The following CBLC variants were observed in gnomAD, a reference collection of about 807,000 sequenced individuals.
The protein encoded by CBLC is E3 ubiquitin-protein ligase CBL-C.
A neutral mutation model predicts 58.6 loss-of-function variants in CBLC; 46 were observed. The ratio of observed to expected loss-of-function variants is 0.79; its 90% confidence interval spans 0.62 to 1.00. CBLC has a LOEUF of 1.00. Among genes scored for constraint, CBLC ranks in the 50% least tolerant of loss-of-function variants. The pLI is 0.00. For synonymous variants in CBLC, 271 were observed against 264.2 expected, an observed-to-expected ratio of 1.03 and a Z score of -0.25; for missense variants, 655 against 625.8, an observed-to-expected ratio of 1.05 and a Z score of -0.50.
Position 44,781,249 on chromosome 19 carries a change from C to A in CBLC, c.543C>A (p.Thr181=). Residue 181 remains threonine (T), a synonymous_variant, in exon 3 of 11, where the codon ACC becomes ACA. Coordinates refer to ENST00000647358, the MANE Select transcript of CBLC (RefSeq NM_012116.4). ...CTGAGTTTGAGTCCCTCCTGGGCAC[C>A]TGCCACCCTGTGGAACCAGGCTGCA... The part of the protein sequence containing the change: ...PWAEFESLLG[T]CHPVEPGCTA... 1 of 1,613,834 alleles carries A rather than the reference C, an allele frequency of 6.2e-7. No homozygotes were observed. Among genetic ancestry groups the A allele is most frequent in the Non-Finnish European group, 8.5e-7 (1 of 1,179,986 alleles).
At position 44,798,197 on chromosome 19, in the gene CBLC, T is replaced by TTTTG. The variant is rs200768071; in HGVS notation, c.1363-2164_1363-2161dup. ...GACACAAGCCCCACAGGCTGGGTTT[T>TTTTG]TTTGTTTGTTTGTTTGTTTGTTTTA... On this transcript the variant is annotated intron_variant, in intron 9 of 10. Transcript: ENST00000647358. Among the ~76,000 whole-genome samples, 734 of 151,612 alleles carry TTTTG rather than the reference T, an allele frequency of 4.8e-3. 6 individuals are homozygous for TTTTG. The highest frequency in any genetic ancestry group is 0.017 in the African/African-American group (688 of 41,212).
rs536360053 is a variant in CBLC, at chr19:44,790,081, A to G, written c.995A>G (p.His332Arg). The change falls in exon 6 of 11, where the codon CAC becomes CGC. Residue 332 changes from histidine (H) to arginine (R), a missense_variant. This residue lies in a region of CBLC where 371 missense variants were observed against 370.8 expected (regional missense o/e 1.00). Coordinates refer to ENST00000647358, the MANE Select transcript of CBLC (RefSeq NM_012116.4). Reference sequence around the variant, plus strand: ...CAGGCAGAACCCCAGCAGCGCATCCACGTGTCAGAGGTGAGACCCGCACCT... The same window carrying G: ...CAGGCAGAACCCCAGCAGCGCATCCGCGTGTCAGAGGTGAGACCCGCACCT... ...LGQAEPQQRIHVSEEQLQLYW... is the reference protein window; with the variant it reads ...LGQAEPQQRIRVSEEQLQLYW... The G allele has an allele frequency of 2.5e-5, 41 of 1,613,596 alleles. 1 individual carries two copies. In the South Asian group the frequency reaches 4.4e-4, roughly 17 times the overall value.
chr19:44,778,189 T>G lies in CBLC; in HGVS notation c.258T>G (p.Asn86Lys), dbSNP rs1967621647. The G allele has an allele frequency of 6.6e-7, 1 of 1,524,400 alleles. No homozygotes were observed. Among genetic ancestry groups the G allele is most frequent in the Admixed American group, 2.2e-5 (1 of 45,052 alleles). The allele number at this position is 1,524,400 out of a possible 1,614,324, so 94.4% of individuals were successfully genotyped here. The change falls in exon 1 of 11, where the codon AAT becomes AAG. Residue 86 changes from asparagine (N) to lysine (K), a missense_variant. This residue lies in a region of CBLC where 280 missense variants were observed against 237.2 expected (regional missense o/e 1.18). Coordinates refer to ENST00000647358, the MANE Select transcript of CBLC (RefSeq NM_012116.4). ...SGDFLLIYLA[N>K]LEAKSRQVAA... Reference sequence around the variant, plus strand: ...ACTTTCTACTCATCTACCTGGCCAATCTGGAGGCCAAGAGCAGGCAGGTGG... The same window carrying G: ...ACTTTCTACTCATCTACCTGGCCAAGCTGGAGGCCAAGAGCAGGCAGGTGG...
At chr19:44,796,531 G>T (rs547613304) in intron 9 of CBLC, among the ~76,000 whole-genome samples, 1 of 151,904 alleles carries the variant, frequency 6.6e-6, no homozygotes, top group Non-Finnish European at 1.5e-5. Context: ...ATTACAGGCA[G>T]GTGCCACCAC....
intron 5 of CBLC, among the ~76,000 whole-genome samples, chr19:44,787,105 A>G (rs1190440700): frequency 6.6e-6 from 1 of 151,908 alleles, no homozygotes; most frequent in Non-Finnish European, 1.5e-5. Context: ...AAATAAAGTC[A>G]ATCATAAGCT....
chr19:44,789,867 C>G (rs1968000501), intron 5 of CBLC, 137 bp from the exon 6 acceptor site: 1 of 675,638 alleles, frequency 1.5e-6, no homozygotes, highest in African/African-American at 1.8e-5. Context: ...GGAAAATAAG[C>G]CCAGGCCAGC....
intron 9 of CBLC, among the ~76,000 whole-genome samples, chr19:44,797,563 G>T (rs143413801): frequency 6.9e-6 from 1 of 144,508 alleles, no homozygotes; most frequent in Non-Finnish European, 1.5e-5. Flanking sequence ...TTTGCTATGT[G>T]CCTGGCATTG....
intron 9 of CBLC, among the ~76,000 whole-genome samples, chr19:44,796,982 G>A (rs999410820): frequency 1.3e-5 from 2 of 152,104 alleles, no homozygotes; most frequent in Admixed American, 1.3e-4. Flanking sequence ...AAAAGCAAAT[G>A]GAAACATTAG....
rs117099187 is a variant in CBLC at position 44,781,315 on chromosome 19, C to T, written c.609C>T (p.Ser203=). Residue 203 remains serine (S), a synonymous_variant, in exon 3 of 11, where the codon AGC becomes AGT. Transcript: ENST00000647358. ...GCACCACCATTGACCTCACCTGCAGCGGGCACGTGTCCATCTTCGAGTTCG... is the reference window on the plus strand; with the variant it reads ...GCACCACCATTGACCTCACCTGCAGTGGGCACGTGTCCATCTTCGAGTTCG... The part of the protein sequence containing the change: ...ALRTTIDLTC[S]GHVSIFEFDV... 652 of 1,613,022 alleles carry T rather than the reference C, an allele frequency of 4.0e-4. No individual in the cohort carries two copies. In the East Asian group the frequency reaches 5.8e-3, roughly 14 times the overall value.
At chr19:44,786,985 G>A (rs184514904) in intron 5 of CBLC, among the ~76,000 whole-genome samples, 1 of 152,298 alleles carries the variant, frequency 6.6e-6, no homozygotes, top group East Asian at 1.9e-4. Context: ...TACTCAGGAG[G>A]CTGAGACGAG....
rs1448923570 is a variant in CBLC, at chr19:44,794,297, G to T, written c.1362+16G>T. ...GCCGAAAGTGGTGAGTCAGGCGCTG[G>T]TCTGAGGTTGGGGGCTGGGGTCTCA... On this transcript the variant is annotated intron_variant, in intron 9 of 10. Coordinates refer to ENST00000647358, the MANE Select transcript of CBLC (RefSeq NM_012116.4). The T allele has an allele frequency of 6.2e-7, 1 of 1,611,534 alleles. No homozygotes were observed. Among genetic ancestry groups the T allele is most frequent in the Non-Finnish European group, 8.5e-7 (1 of 1,178,784 alleles).
intron 5 of CBLC, among the ~76,000 whole-genome samples, chr19:44,784,867 GC>G (rs1289680965): frequency 4.2e-5 from 6 of 143,058 alleles, no homozygotes; most frequent in Non-Finnish European, 7.5e-5. Context: ...TGCCCAGCCA[GC>G]TTTTGTTTCT....
chr19:44,785,115 G>A (rs1298859605), intron 5 of CBLC, among the ~76,000 whole-genome samples: 2 of 151,066 alleles, frequency 1.3e-5, no homozygotes, highest in African/African-American at 4.9e-5. Flanking sequence ...GGGATTACAG[G>A]CACCCACCAC....
Position 44,780,964 on chromosome 19 carries a change from T to C in CBLC, c.413T>C (p.Leu138Pro). ...CACATGCACGCAGAGCTGCACGCAC[T>C]CTTCCCCGGGGGAAAGTACTGTGGA... ...FSHMHAELHALFPGGKYCGHM... is the reference protein window; with the variant it reads ...FSHMHAELHAPFPGGKYCGHM... The change falls in exon 2 of 11, where the codon CTC becomes CCC. Residue 138 changes from leucine (L) to proline (P), a missense_variant. By Grantham distance (98) the Leu-to-Pro change is moderately conservative. Transcript: ENST00000647358. 1 of 1,613,532 alleles carries C rather than the reference T, an allele frequency of 6.2e-7. No individual in the cohort carries two copies. The highest frequency in any genetic ancestry group is 8.5e-7 in the Non-Finnish European group (1 of 1,179,984).
chr19:44,782,474 C>G lies in CBLC; in HGVS notation c.762C>G (p.Cys254Trp). The change falls in exon 4 of 11, where the codon TGC (cysteine) becomes TGG (tryptophan). Residue 254 changes from cysteine (C) to tryptophan (W), a missense_variant. Cys to Trp is a radical substitution (Grantham distance 215, BLOSUM62 -2). This residue lies in a region of CBLC where 371 missense variants were observed against 370.8 expected (regional missense o/e 1.00). Transcript: ENST00000647358. ...YDEVQERLQACRDKPGSYIFR... is the reference protein window; with the variant it reads ...YDEVQERLQAWRDKPGSYIFR... ...AGGTCCAAGAGCGTCTGCAGGCCTGCAGGGACAAGCCAGGCAGGTAAAGGG... is the reference window on the plus strand; with the variant it reads ...AGGTCCAAGAGCGTCTGCAGGCCTGGAGGGACAAGCCAGGCAGGTAAAGGG... 6.2e-7 allele frequency: 1 copy of G among 1,613,570 alleles called. No individual in the cohort carries two copies. Among genetic ancestry groups the G allele is most frequent in the East Asian group, 2.2e-5 (1 of 44,854 alleles).
chr19:44,780,857 G>A, intron 1 of CBLC, 48 bp from the exon 2 acceptor site: 3 of 1,590,334 alleles, frequency 1.9e-6, no homozygotes, highest in South Asian at 1.1e-5. Flanking sequence ...GGAAGAGGGT[G>A]TCAGTGGGAG....
chr19:44,793,006 G>A (rs1002998512), intron 7 of CBLC, among the ~76,000 whole-genome samples: 1 of 152,118 alleles, frequency 6.6e-6, no homozygotes, highest in Non-Finnish European at 1.5e-5. Context: ...ACAAAAATTA[G>A]ACGGGTGTGG....
chr19:44,778,176 T>TCTAC lies in CBLC; in HGVS notation c.248_251dup (p.Ala85ProfsTer91). On this transcript the variant is annotated frameshift_variant, in exon 1 of 11. Transcript: ENST00000647358. LOFTEE classifies it high-confidence loss of function. ...GGCGGCTCTGGGGACTTTCTACTCA[T>TCTAC]CTACCTGGCCAATCTGGAGGCCAAG... is the stretch of plus-strand genomic sequence containing the variant. The TCTAC allele has an allele frequency of 6.5e-7, 1 of 1,544,858 alleles. No homozygotes were observed. The highest frequency in any genetic ancestry group is 8.7e-7 in the Non-Finnish European group (1 of 1,149,324).
rs145037740 is a variant in CBLC, at chr19:44,794,379, C to T, written c.1362+98C>T. On this transcript the variant is annotated intron_variant, in intron 9 of 10. Transcript: ENST00000647358. ...ACTCAGGGGTGCCAGGGCAGGGACT[C>T]ATCCTTGGCACCCATTTCCAAGGCA... 1,442 of 1,054,522 alleles carry T rather than the reference C, an allele frequency of 1.4e-3. 21 individuals carry two copies. In the African/African-American group the frequency reaches 0.022, roughly 16 times the overall value. The allele number at this position is 1,054,522 out of a possible 1,614,324, so 65.3% of individuals were successfully genotyped here.
Sources: gnomAD v4.1 joint callset for allele counts (sites outside exome capture counted in the v4.1 genomes callset) on GRCh38, gnomAD v4.1.1 for gene constraint, gnomAD v4.1.1 regional missense constraint, MANE v1.5 for transcripts, NCBI Gene and HGNC (gene_info 2026-07-23, HGNC 2026-07-21) for gene names.